Variants in NSUN6 observed in about 807,000 individuals in gnomAD.
NSUN6 encodes the protein tRNA (cytosine(72)-C(5))-methyltransferase NSUN6.
Under a neutral mutation model 58.0 loss-of-function variants are expected in NSUN6, and 64 were observed. The ratio of observed to expected loss-of-function variants is 1.10; its 90% CI spans 0.90 to 1.36. The LOEUF (loss-of-function observed/expected upper bound fraction) is 1.36. NSUN6 is among the 40% of genes most tolerant of loss of function. NSUN6 has a pLI of 0.00. For missense variants in NSUN6, 701 were observed against 550.1 expected, an observed-to-expected ratio of 1.27 and a Z score of -2.74; for synonymous variants, 231 against 193.9, an observed-to-expected ratio of 1.19 and a Z score of -1.59.
At chr10:18,578,533 C>A (rs927115720) in intron 8 of NSUN6, among the ~76,000 whole-genome samples, 1 of 152,166 alleles carries the variant, frequency 6.6e-6, no homozygotes, top group African/African-American at 2.4e-5. Flanking sequence ...CTGCTCCCTG[C>A]ACTCATCAGC....
At chr10:18,551,645 T>A (rs2054610493) in intron 9 of NSUN6, 178 bp downstream of exon 9, 1 of 459,146 alleles carries the variant, frequency 2.2e-6, no homozygotes, top group African/African-American at 2.0e-5. Context: ...GAAGGCTGAA[T>A]AATGTTCCAT....
At chr10:18,579,525 C>A (rs890261612) in intron 8 of NSUN6, among the ~76,000 whole-genome samples, 1 of 152,120 alleles carries the variant, frequency 6.6e-6, no homozygotes. Context: ...TGTGTGAATG[C>A]AAAATATCTG....
At chr10:18,581,822 CT>C in intron 8 of NSUN6, among the ~76,000 whole-genome samples, 2 of 148,490 alleles carry the variant, frequency 1.3e-5, no homozygotes, top group African/African-American at 4.9e-5. Flanking sequence ...GAGATTCCAT[CT>C]CAAAAAAAAA....
intron 5 of NSUN6, among the ~76,000 whole-genome samples, chr10:18,610,605 C>T (rs758728461): frequency 6.6e-6 from 1 of 152,172 alleles, no homozygotes; most frequent in African/African-American, 2.4e-5. Flanking sequence ...CAAGGATAAC[C>T]TTTTCCACCT....
intron 1 of NSUN6, 62 bp from the exon 2 acceptor site, chr10:18,648,707 T>C: frequency 1.1e-6 from 1 of 902,662 alleles, no homozygotes; most frequent in Admixed American, 2.1e-5. Context: ...AGCATCCTTA[T>C]ATATTAATTC....
At chr10:18,611,726 GT>G (rs2058244276) in intron 5 of NSUN6, among the ~76,000 whole-genome samples, 1 of 40,802 alleles carries the variant, frequency 2.5e-5, no homozygotes, top group Non-Finnish European at 5.1e-5. Context: ...TCACTATGGT[GT>G]GTGTGTGTGT....
At chr10:18,600,968 ATATATATATG>A in intron 6 of NSUN6, among the ~76,000 whole-genome samples, 1 of 115,314 alleles carries the variant, frequency 8.7e-6, no homozygotes, top group Non-Finnish European at 1.7e-5. Flanking sequence ...ATACATATAT[ATATATATATG>A]TATATATATA....
Position 18,585,672 on chromosome 10 carries a change from A to G in NSUN6, c.922+277T>C, listed in dbSNP as rs535350228. On this transcript the variant is annotated intron_variant, in intron 8 of 10. Transcript: ENST00000377304. ...AGGAGGGAGGACCAAGGAATGGGAG[A>G]CACTGTTCAAAGGGTACAAAGTTTC... Among the ~76,000 whole-genome samples, 13 of 152,274 alleles carry G rather than the reference A, an allele frequency of 8.5e-5. No individual in the cohort carries two copies. The South Asian group carries it at 2.1e-3, about 24-fold the overall frequency.
At chr10:18,615,768 G>T (rs2058387260) in intron 4 of NSUN6, among the ~76,000 whole-genome samples, 1 of 152,132 alleles carries the variant, frequency 6.6e-6, no homozygotes, top group Non-Finnish European at 1.5e-5. Flanking sequence ...ATGCAACACA[G>T]GTATGTCGCC....
intron 6 of NSUN6, among the ~76,000 whole-genome samples, chr10:18,600,940 AAATAT>A (rs1248157684): frequency 1.8e-5 from 1 of 56,082 alleles, no homozygotes; most frequent in Non-Finnish European, 3.9e-5. Context: ...AAAAAAAAAA[AAATAT>A]ATATATATAT....
intron 8 of NSUN6, among the ~76,000 whole-genome samples, chr10:18,559,462 T>C (rs1423522934): frequency 2.0e-5 from 3 of 148,246 alleles, no homozygotes; most frequent in African/African-American, 7.5e-5. Flanking sequence ...TGGATTGGAA[T>C]GGAATGGAGA....
intron 8 of NSUN6, among the ~76,000 whole-genome samples, chr10:18,555,046 T>C (rs1030268440): frequency 6.7e-6 from 1 of 149,716 alleles, no homozygotes; most frequent in Non-Finnish European, 1.5e-5. Flanking sequence ...GAGAATGGAA[T>C]GGAATGGAGA....
At chr10:18,628,488 T>A (rs570886953) in intron 3 of NSUN6, among the ~76,000 whole-genome samples, 19 of 152,142 alleles carry the variant, frequency 1.2e-4, no homozygotes, top group African/African-American at 2.7e-4. Context: ...ACCAAAGGCA[T>A]TGAAGTTGAA....
At position 18,640,697 on chromosome 10, in the gene NSUN6, T is replaced by C. The variant is rs546286458; in HGVS notation, c.311+1779A>G. 2.0e-5 allele frequency among the ~76,000 whole-genome samples: 3 copies of C among 152,232 alleles called. No homozygotes were observed. The East Asian group carries it at 5.8e-4, about 29-fold the overall frequency. On this transcript the variant is annotated intron_variant, in intron 3 of 10. Transcript: ENST00000377304. ...GTCTTGGCTGCACAGTTGTACATAT[T>C]TGTCAAAACCCAACAAACTAAACAT...
chr10:18,647,845 C>T (rs1337705661), intron 2 of NSUN6, among the ~76,000 whole-genome samples: 2 of 148,856 alleles, frequency 1.3e-5, no homozygotes, highest in African/African-American at 5.0e-5. Context: ...AGGGATTACT[C>T]GTGCCTCAGC....
At chr10:18,555,893 T>C (rs952293812) in intron 8 of NSUN6, among the ~76,000 whole-genome samples, 4 of 119,198 alleles carry the variant, frequency 3.4e-5, no homozygotes, top group South Asian at 5.7e-4. Context: ...GAATGGAGAA[T>C]AGAATGGAAT....
intron 2 of NSUN6, among the ~76,000 whole-genome samples, chr10:18,647,739 T>TG (rs2059589481): frequency 1.4e-5 from 2 of 142,624 alleles, no homozygotes; most frequent in African/African-American, 5.3e-5. Context: ...TTTTTTTTTT[T>TG]TTTTTTTTTT....
chr10:18,652,396 G>A (rs2059724790), upstream of NSUN6: 1 of 983,946 alleles, frequency 1.0e-6, no homozygotes, highest in Non-Finnish European at 1.2e-6. Flanking sequence ...ATAGGAAAGG[G>A]TTTTTTATTG....
upstream of NSUN6, chr10:18,652,223 TTTTC>T (rs2059722086): frequency 1.0e-6 from 1 of 984,854 alleles, no homozygotes; most frequent in Non-Finnish European, 1.2e-6. Flanking sequence ...CATTATTTTT[TTTTC>T]TTTTTTTTCA....
Sources: allele counts gnomAD v4.1 joint callset (sites outside exome capture counted in the v4.1 genomes callset), GRCh38; gene constraint gnomAD v4.1.1; transcripts MANE v1.5; gene names NCBI Gene and HGNC (gene_info 2026-07-23, HGNC 2026-07-21).